The following CNTNAP2 variants were observed in gnomAD, a reference collection of about 807,000 sequenced individuals.
CNTNAP2 encodes contactin associated protein 2, also known as contactin-associated protein-like 2.
A neutral mutation model predicts 155.2 loss-of-function variants in CNTNAP2; 98 were observed. The observed-to-expected ratio is 0.63, with a 90% CI of 0.54 to 0.75. The LOEUF is 0.75. Among genes scored for constraint, CNTNAP2 ranks in the 30% least tolerant of loss-of-function variants. The pLI is 0.00. For synonymous variants in CNTNAP2, 651 were observed against 631.2 expected, an observed-to-expected ratio of 1.03 and a Z score of -0.47; for missense variants, 1,727 against 1,688.1, an observed-to-expected ratio of 1.02 and a Z score of -0.40.
chr7:147,183,478 G>A (rs1802507340), intron 8 of CNTNAP2, among the ~76,000 whole-genome samples: 1 of 152,108 alleles, frequency 6.6e-6, no homozygotes, highest in African/African-American at 2.4e-5. Context: ...TGACACAGAT[G>A]GCCAATCTGT....
At chr7:148,023,628 G>T (rs973913555) in intron 15 of CNTNAP2, among the ~76,000 whole-genome samples, 2 of 152,074 alleles carry the variant, frequency 1.3e-5, no homozygotes, top group Non-Finnish European at 2.9e-5. Context: ...AGCTGCACCA[G>T]CTTCTTGAGT....
intron 13 of CNTNAP2, among the ~76,000 whole-genome samples, chr7:147,734,408 G>A (rs1796800609): frequency 6.6e-6 from 1 of 152,106 alleles, no homozygotes; most frequent in African/African-American, 2.4e-5. Context: ...TGCTGCTGGA[G>A]TCAATTTGCC....
chr7:148,405,420 ATTTTTTTTTT>A (rs36020816), intron 22 of CNTNAP2, among the ~76,000 whole-genome samples: 3 of 64,284 alleles, frequency 4.7e-5, no homozygotes, highest in South Asian at 1.4e-3. Flanking sequence ...TACCATTGTA[ATTTTTTTTTT>A]TTTTTTTTTT....
intron 1 of CNTNAP2, among the ~76,000 whole-genome samples, chr7:146,421,231 T>G (rs574067123): frequency 6.6e-6 from 1 of 152,154 alleles, no homozygotes; most frequent in East Asian, 1.9e-4. Flanking sequence ...TTAACAAGTA[T>G]GTATACCATG....
chr7:146,705,059 G>A (rs1206217018), intron 1 of CNTNAP2, among the ~76,000 whole-genome samples: 2 of 152,098 alleles, frequency 1.3e-5, no homozygotes, highest in Non-Finnish European at 2.9e-5. Context: ...CTGTTTGGGA[G>A]GCACCCTTGT....
At chr7:148,233,834 G>A (rs1585205846) in intron 20 of CNTNAP2, among the ~76,000 whole-genome samples, 1 of 152,334 alleles carries the variant, frequency 6.6e-6, no homozygotes, top group East Asian at 1.9e-4. Flanking sequence ...AGCTTGGTGG[G>A]AGGTGATTGG....
intron 2 of CNTNAP2, among the ~76,000 whole-genome samples, chr7:146,782,590 A>G (rs1276383406): frequency 6.6e-6 from 1 of 152,226 alleles, no homozygotes; most frequent in Non-Finnish European, 1.5e-5. Context: ...TATAATAATG[A>G]TAAAGGATAT....
chr7:146,774,112 A>G (rs1381559425), intron 1 of CNTNAP2, among the ~76,000 whole-genome samples, 159 bp from the exon 2 acceptor site: 1 of 152,206 alleles, frequency 6.6e-6, no homozygotes, highest in Non-Finnish European at 1.5e-5. Flanking sequence ...GTTATATTAT[A>G]TTTAGGATAA....
intron 15 of CNTNAP2, among the ~76,000 whole-genome samples, chr7:148,097,950 G>A (rs1337186003): frequency 6.6e-6 from 1 of 152,124 alleles, no homozygotes; most frequent in African/African-American, 2.4e-5. Flanking sequence ...GGTATTTTAG[G>A]TAGTGATACA....
chr7:147,424,155 C>A (rs1451921299), intron 10 of CNTNAP2, among the ~76,000 whole-genome samples: 1 of 152,162 alleles, frequency 6.6e-6, no homozygotes, highest in Non-Finnish European at 1.5e-5. Context: ...TCCCCCAATA[C>A]CTTCAATCTA....
intron 13 of CNTNAP2, among the ~76,000 whole-genome samples, chr7:147,815,343 C>G (rs909757468): frequency 1.3e-5 from 2 of 152,130 alleles, no homozygotes; most frequent in African/African-American, 4.8e-5. Context: ...GAATCTGCTT[C>G]CAGTCTCATT....
rs138108288 is a variant in CNTNAP2, at chr7:148,028,775, C to A, written c.2383+50786C>A. Among the ~76,000 whole-genome samples the A allele has an allele frequency of 5.5e-3, 844 of 152,220 alleles. 6 individuals are homozygous for A. Among genetic ancestry groups the A allele is most frequent in the Middle Eastern group, 0.034 (10 of 294 alleles). On this transcript the variant is annotated intron_variant, in intron 15 of 23. Transcript: ENST00000361727. ...TGCATCCCAAGGTCAGGTTTAACCA[C>A]ATCAACCTCAAAGCCTTCCAAACAG...
At chr7:147,064,592 T>A (rs952518069) in intron 4 of CNTNAP2, among the ~76,000 whole-genome samples, 26 of 152,288 alleles carry the variant, frequency 1.7e-4, no homozygotes, top group African/African-American at 6.0e-4. Flanking sequence ...CGCCTTTCTT[T>A]CCTCCCATTT....
At chr7:146,247,116 C>A (rs951513786) in intron 1 of CNTNAP2, among the ~76,000 whole-genome samples, 4 of 152,136 alleles carry the variant, frequency 2.6e-5, no homozygotes, top group Non-Finnish European at 4.4e-5. Context: ...GCCTTTTGAC[C>A]TTTCAGGGTC....
chr7:147,213,976 T>A (rs1228043893), intron 8 of CNTNAP2, among the ~76,000 whole-genome samples: 2 of 152,106 alleles, frequency 1.3e-5, no homozygotes, highest in East Asian at 3.9e-4. Context: ...GATGATTGAA[T>A]GGTGCCCAGA....
chr7:146,401,586 A>G (rs1368248113), intron 1 of CNTNAP2, among the ~76,000 whole-genome samples: 2 of 152,082 alleles, frequency 1.3e-5, no homozygotes, highest in Non-Finnish European at 2.9e-5. Flanking sequence ...ACATATATAA[A>G]TTGTGTGTTC....
At chr7:147,499,678 C>T (rs1167157326) in intron 11 of CNTNAP2, among the ~76,000 whole-genome samples, 1 of 152,154 alleles carries the variant, frequency 6.6e-6, no homozygotes, top group African/African-American at 2.4e-5. Context: ...ATGTGGCTAC[C>T]TACTAGTTTT....
intron 4 of CNTNAP2, among the ~76,000 whole-genome samples, chr7:147,066,427 T>A (rs1215966433): frequency 6.6e-6 from 1 of 152,214 alleles, no homozygotes; most frequent in African/African-American, 2.4e-5. Context: ...CTAGATGGGC[T>A]TTCCTTTTTA....
At position 146,705,966 on chromosome 7, in the gene CNTNAP2, C is replaced by T. The variant is rs189794057; in HGVS notation, c.98-68305C>T. ...TGCATTTTGAAGAGACACAAACATT[C>T]AAACCATAGCAGACAGAGTTTCTCA... On this transcript the variant is annotated intron_variant, in intron 1 of 23. Coordinates refer to ENST00000361727, the MANE Select transcript of CNTNAP2 (RefSeq NM_014141.6). Among the ~76,000 whole-genome samples the T allele has an allele frequency of 2.0e-5, 3 of 152,244 alleles. No homozygotes were observed. In the East Asian group the frequency reaches 5.8e-4, roughly 29 times the overall value.
Sources: allele counts gnomAD v4.1 joint callset (sites outside exome capture counted in the v4.1 genomes callset), GRCh38; gene constraint gnomAD v4.1.1; transcripts MANE v1.5; gene names NCBI Gene and HGNC (gene_info 2026-07-23, HGNC 2026-07-21).